The following SKAP1 variants were observed in gnomAD, a reference collection of about 807,000 sequenced individuals.
SKAP1 encodes src kinase associated phosphoprotein 1.
In SKAP1, 44 loss-of-function variants were observed where a neutral mutation model predicts 58.5. The observed-to-expected ratio is 0.75, with a 90% confidence interval of 0.59 to 0.97. SKAP1 has a LOEUF of 0.97. SKAP1 is among the 50% of genes least tolerant of loss of function. SKAP1 has a pLI of 0.00. For synonymous variants in SKAP1, 127 were observed against 149.7 expected, an observed-to-expected ratio of 0.85 and a Z score of 1.11; for missense variants, 390 against 435.2, an observed-to-expected ratio of 0.90 and a Z score of 0.92.
At chr17:48,372,941 G>T (rs2067104781) in intron 2 of SKAP1, among the ~76,000 whole-genome samples, 1 of 152,134 alleles carries the variant, frequency 6.6e-6, no homozygotes, top group South Asian at 2.1e-4. Context: ...GAGCCACTAT[G>T]CCCAGCCCAG....
At chr17:48,435,282 G>A in the SKAP1 span, among the ~76,000 whole-genome samples, 1 of 141,178 alleles carries the variant, frequency 7.1e-6, no homozygotes, top group African/African-American at 2.7e-5. Context: ...AGATATCCCC[G>A]TTGGGCACTG....
At chr17:48,421,149 A>G (rs555385458) in intron 1 of SKAP1, among the ~76,000 whole-genome samples, 1 of 152,330 alleles carries the variant, frequency 6.6e-6, no homozygotes, top group East Asian at 1.9e-4. Context: ...CAGTCCATCT[A>G]ACACTAGACG....
intron 9 of SKAP1, 34 bp downstream of exon 9, chr17:48,180,020 T>G (rs1195482155): frequency 6.6e-7 from 1 of 1,521,898 alleles, no homozygotes; most frequent in East Asian, 2.3e-5. Flanking sequence ...TTTCTGAAAC[T>G]AGCATAAGAT....
At chr17:48,164,761 T>C (rs957449957) in intron 10 of SKAP1, among the ~76,000 whole-genome samples, 3 of 152,144 alleles carry the variant, frequency 2.0e-5, no homozygotes, top group Non-Finnish European at 4.4e-5. Flanking sequence ...ACAGGCAGAA[T>C]GAAGGGCTAA....
chr17:48,354,415 A>C (rs2066848399), intron 3 of SKAP1, among the ~76,000 whole-genome samples: 1 of 152,238 alleles, frequency 6.6e-6, no homozygotes, highest in Non-Finnish European at 1.5e-5. Flanking sequence ...AACACAAGTA[A>C]AGTGCATAAA....
chr17:48,426,849 G>GT (rs5820701), intron 1 of SKAP1, among the ~76,000 whole-genome samples: 48,143 of 146,320 alleles, frequency 0.33, 8,197 homozygotes, highest in African/African-American at 0.44. Flanking sequence ...AAGATAGCGT[G>GT]TTTTTTTTTT....
intron 2 of SKAP1, among the ~76,000 whole-genome samples, chr17:48,392,590 G>T (rs985746914): frequency 1.3e-5 from 2 of 152,138 alleles, no homozygotes; most frequent in Non-Finnish European, 2.9e-5. Context: ...GCTGGGCGTG[G>T]TAGCTCACTC....
intron 4 of SKAP1, among the ~76,000 whole-genome samples, chr17:48,313,148 G>T (rs1050894269): frequency 3.3e-5 from 5 of 151,426 alleles, no homozygotes; most frequent in East Asian, 3.9e-4. Context: ...GCGGGGCGGT[G>T]GGGGGGTGGG....
chr17:48,159,804 T>A (rs2064042714), intron 11 of SKAP1, among the ~76,000 whole-genome samples: 2 of 152,228 alleles, frequency 1.3e-5, no homozygotes, highest in African/African-American at 4.8e-5. Flanking sequence ...GTCCAAGGAC[T>A]ATTATTGAAT....
At chr17:48,305,917 T>C (rs2066135104) in intron 4 of SKAP1, among the ~76,000 whole-genome samples, 1 of 152,198 alleles carries the variant, frequency 6.6e-6, no homozygotes. Context: ...TTGCTGTTTT[T>C]AAACTACCTC....
intron 4 of SKAP1, among the ~76,000 whole-genome samples, chr17:48,327,036 G>A (rs1298533840): frequency 6.6e-6 from 1 of 151,918 alleles, no homozygotes; most frequent in Non-Finnish European, 1.5e-5. Flanking sequence ...GACTATAGGC[G>A]TGCGCCACCA....
intron 1 of SKAP1, among the ~76,000 whole-genome samples, chr17:48,416,625 A>C (rs947549863): frequency 6.6e-6 from 1 of 152,234 alleles, no homozygotes; most frequent in Admixed American, 6.5e-5. Flanking sequence ...AAACAGTAGA[A>C]AACCATATTT....
At chr17:48,378,637 T>C (rs1408246265) in intron 2 of SKAP1, among the ~76,000 whole-genome samples, 1 of 152,062 alleles carries the variant, frequency 6.6e-6, no homozygotes, top group South Asian at 2.1e-4. Context: ...CATGCCTCCT[T>C]CTTCTCCTAG....
chr17:48,422,865 A>T (rs966092887), intron 1 of SKAP1, among the ~76,000 whole-genome samples: 1 of 152,248 alleles, frequency 6.6e-6, no homozygotes, highest in East Asian at 1.9e-4. Flanking sequence ...GCAACTTTTT[A>T]AAAAATAAAT....
chr17:48,370,124 T>C (rs760762638), intron 2 of SKAP1, among the ~76,000 whole-genome samples: 2 of 152,112 alleles, frequency 1.3e-5, no homozygotes, highest in South Asian at 2.1e-4. Flanking sequence ...TCACAGAGTC[T>C]ATAAAGAACT....
rs114498190 is a variant in SKAP1, at chr17:48,316,592, T to C, written c.280+29313A>G. On this transcript the variant is annotated intron_variant, in intron 4 of 12. Coordinates refer to ENST00000336915, the MANE Select transcript of SKAP1 (RefSeq NM_003726.4). ...ATATAACATATCGGCCCCAGTAAAA[T>C]ATGAGCTCTATGTGGCTAAGGGTTT... is the stretch of plus-strand genomic sequence containing the variant. Among the ~76,000 whole-genome samples the C allele has an allele frequency of 4.7e-3, 712 of 152,294 alleles. 4 individuals are homozygous for C. The highest frequency in any genetic ancestry group is 0.016 in the African/African-American group (665 of 41,576).
chr17:48,317,709 G>A (rs990252654), intron 4 of SKAP1, among the ~76,000 whole-genome samples: 3 of 152,156 alleles, frequency 2.0e-5, no homozygotes, highest in African/African-American at 7.2e-5. Context: ...TTCGAGGTCT[G>A]AAATAATTCA....
chr17:48,367,190 ATAG>A (rs1206729125), intron 2 of SKAP1, among the ~76,000 whole-genome samples: 9 of 152,258 alleles, frequency 5.9e-5, no homozygotes, highest in Admixed American at 5.9e-4. Flanking sequence ...GCTTCTGCCA[ATAG>A]TAGTTATACC....
At chr17:48,139,679 T>G (rs1021597811) in intron 11 of SKAP1, among the ~76,000 whole-genome samples, 4 of 152,192 alleles carry the variant, frequency 2.6e-5, no homozygotes, top group African/African-American at 9.7e-5. Flanking sequence ...TATCTCTGGA[T>G]GCATATAATT....
Sources: gnomAD v4.1 joint callset for allele counts (sites outside exome capture counted in the v4.1 genomes callset) on GRCh38, gnomAD v4.1.1 for gene constraint, MANE v1.5 for transcripts, NCBI Gene and HGNC (gene_info 2026-07-23, HGNC 2026-07-21) for gene names.